Variants in TBC1D12 observed in about 807,000 individuals in gnomAD.
TBC1D12 encodes the protein TBC1 domain family, member 12.
TBC1D12 carries 56 observed loss-of-function variants against 86.7 expected under a neutral mutation model. The observed-to-expected ratio is 0.65, with a 90% CI of 0.52 to 0.81. The LOEUF (loss-of-function observed/expected upper bound fraction) is 0.81. Ranked by LOEUF, TBC1D12 falls within the 30% of genes least tolerant of loss-of-function variation. The pLI is 0.00. For synonymous variants in TBC1D12, 421 were observed against 411.7 expected, an observed-to-expected ratio of 1.02 and a Z score of -0.27; for missense variants, 1,023 against 1,038.8, an observed-to-expected ratio of 0.98 and a Z score of 0.21.
At chr10:94,459,519 A>G (rs1421693792) in intron 2 of TBC1D12, among the ~76,000 whole-genome samples, 2 of 152,108 alleles carry the variant, frequency 1.3e-5, no homozygotes, top group Non-Finnish European at 2.9e-5. Flanking sequence ...TGGATGGTAG[A>G]TGGGACCTTG....
intron 1 of TBC1D12, among the ~76,000 whole-genome samples, chr10:94,420,794 G>A (rs2055063621): frequency 6.6e-6 from 1 of 152,038 alleles, no homozygotes; most frequent in African/African-American, 2.4e-5. Context: ...TCCGTCTTTT[G>A]GTTGTTATGG....
intron 3 of TBC1D12, among the ~76,000 whole-genome samples, chr10:94,480,652 G>A (rs1422303808): frequency 6.6e-6 from 1 of 151,460 alleles, no homozygotes; most frequent in African/African-American, 2.4e-5. Context: ...TGCAGTTCAA[G>A]ACCAGCCTGG....
chr10:94,413,112 T>C (rs2054948271), intron 1 of TBC1D12, among the ~76,000 whole-genome samples: 1 of 152,240 alleles, frequency 6.6e-6, no homozygotes. Flanking sequence ...CACATTGCTT[T>C]ACTGATTTAA....
At position 94,534,575 on chromosome 10, in the gene TBC1D12, C is replaced by G. The variant is rs1177108402; in HGVS notation, c.*1479C>G. On this transcript the variant is annotated 3_prime_UTR_variant, in exon 13 of 13. Coordinates refer to ENST00000225235, the MANE Select transcript of TBC1D12 (RefSeq NM_015188.2). ...GAAATGCATGATTTCCCTGCCAACT[C>G]TAGGAAGTAGTGCTGCATGATTGAA... 6.6e-6 allele frequency: 1 copy of G among 152,150 alleles called. No individual in the cohort carries two copies. Among genetic ancestry groups the G allele is most frequent in the African/African-American group, 2.4e-5 (1 of 41,426 alleles). The allele number at this position is 152,150 out of a possible 1,614,324, so 9.4% of individuals were successfully genotyped here.
chr10:94,513,640 C>T (rs187128109), intron 9 of TBC1D12, among the ~76,000 whole-genome samples: 318 of 152,174 alleles, frequency 2.1e-3, no homozygotes, highest in Admixed American at 4.1e-3. Context: ...ACTATAGCCT[C>T]GACTTCCTGG....
In TBC1D12 at chr10:94,497,067, C is replaced by T; in HGVS notation, c.1307C>T (p.Ala436Val). Residue 436 changes from alanine (A) to valine (V), a missense_variant, in exon 5 of 13, where the codon GCA becomes GTA. Ala to Val is a moderately conservative substitution (Grantham distance 64). Around this residue, in one of 2 missense-constraint regions of TBC1D12, gnomAD observed 395 missense variants for 507.7 expected, o/e 0.78. Transcript: ENST00000225235. ...AEAKKREIKE[A>V]HKRKRIMKER... ...TCGTTTAAAACAGAAATTAAGGAAG[C>T]ACATAAAAGAAAAAGAATCATGAAA... 1.3e-6 allele frequency: 2 copies of T among 1,557,574 alleles called. No individual in the cohort carries two copies. Among genetic ancestry groups the T allele is most frequent in the Admixed American group, 4.2e-5 (2 of 47,864 alleles).
Position 94,402,604 on chromosome 10 carries a change from C to G in TBC1D12, c.-10C>G, listed in dbSNP as rs760960657. The G allele has an allele frequency of 6.2e-7, 1 of 1,610,636 alleles. No homozygotes were observed. Among genetic ancestry groups the G allele is most frequent in the Non-Finnish European group, 8.5e-7 (1 of 1,178,904 alleles). ...CTTTGCCTCCTGGGGCGGCCGCCACCCACCCCCAGATGGTGGGTCCGGAGG... is the reference window on the plus strand; with the variant it reads ...CTTTGCCTCCTGGGGCGGCCGCCACGCACCCCCAGATGGTGGGTCCGGAGG... On this transcript the variant is annotated 5_prime_UTR_variant, in exon 1 of 13. Transcript: ENST00000225235.
chr10:94,427,974 G>C (rs1290406945), intron 1 of TBC1D12, among the ~76,000 whole-genome samples: 1 of 152,018 alleles, frequency 6.6e-6, no homozygotes, highest in African/African-American at 2.4e-5. Context: ...TATTCTGGAA[G>C]GATAAGAAAA....
chr10:94,481,449 A>T (rs2056077613), intron 3 of TBC1D12, among the ~76,000 whole-genome samples: 1 of 151,476 alleles, frequency 6.6e-6, no homozygotes, highest in Non-Finnish European at 1.5e-5. Context: ...TTGCTGCTTC[A>T]TCTTTTACTT....
At chr10:94,424,438 C>A (rs770078778) in intron 1 of TBC1D12, among the ~76,000 whole-genome samples, 1 of 152,150 alleles carries the variant, frequency 6.6e-6, no homozygotes, top group Non-Finnish European at 1.5e-5. Context: ...TTCTTCCTCT[C>A]TCCTGTGTTT....
intron 1 of TBC1D12, among the ~76,000 whole-genome samples, chr10:94,421,862 T>C (rs1333485692): frequency 2.0e-5 from 3 of 152,234 alleles, no homozygotes; most frequent in African/African-American, 4.8e-5. Context: ...CTTTGCCTAA[T>C]ATTAATTGGG....
chr10:94,409,832 A>G (rs2054907053), intron 1 of TBC1D12, among the ~76,000 whole-genome samples: 1 of 152,168 alleles, frequency 6.6e-6, no homozygotes, highest in African/African-American at 2.4e-5. Flanking sequence ...ATAGTTTTAG[A>G]TTTGTAGAAA....
chr10:94,533,906 T>C lies in TBC1D12; in HGVS notation c.*810T>C, dbSNP rs1842490595. On this transcript the variant is annotated 3_prime_UTR_variant, in exon 13 of 13. Transcript: ENST00000225235. Reference sequence around the variant, plus strand: ...GACTTTGAGAGTAAGTCCAAAAACATATATGATGTTTCTCAGTGATAAGAG... The same window carrying C: ...GACTTTGAGAGTAAGTCCAAAAACACATATGATGTTTCTCAGTGATAAGAG... 1.3e-5 allele frequency: 2 copies of C among 152,142 alleles called. No homozygotes were observed. The highest frequency in any genetic ancestry group is 4.1e-4 in the South Asian group (2 of 4,830). 9.4% of individuals were successfully genotyped at this position (152,142 alleles called of 1,614,324 possible).
intron 2 of TBC1D12, among the ~76,000 whole-genome samples, chr10:94,469,056 A>T (rs2055863961): frequency 6.6e-6 from 1 of 152,224 alleles, no homozygotes; most frequent in Admixed American, 6.5e-5. Context: ...ATTACGTTAG[A>T]TGTGAACTAA....
At chr10:94,440,449 A>G (rs1447775676) in intron 1 of TBC1D12, among the ~76,000 whole-genome samples, 1 of 152,142 alleles carries the variant, frequency 6.6e-6, no homozygotes, top group Non-Finnish European at 1.5e-5. Flanking sequence ...TGTTGGGATT[A>G]CAGGCATGAG....
Position 94,402,892 on chromosome 10 carries a change from C to A in TBC1D12, c.279C>A (p.Gly93=). The change falls in exon 1 of 13, where the codon GGC becomes GGA. Residue 93 remains glycine (G), a synonymous_variant. Coordinates refer to ENST00000225235, the MANE Select transcript of TBC1D12 (RefSeq NM_015188.2). ...PGLCYCPLPA[G]QAGAPPPSAA... is the part of the protein sequence containing the mutation. ...TCTGCTACTGTCCGCTCCCCGCTGG[C>A]CAGGCCGGCGCCCCGCCGCCCTCGG... 6.7e-7 allele frequency: 1 copy of A among 1,490,438 alleles called. No individual in the cohort carries two copies. Among genetic ancestry groups the A allele is most frequent in the Non-Finnish European group, 8.9e-7 (1 of 1,126,996 alleles). The allele number at this position is 1,490,438 out of a possible 1,614,324, so 92.3% of individuals were successfully genotyped here.
intron 9 of TBC1D12, among the ~76,000 whole-genome samples, chr10:94,519,397 A>G (rs1255635622): frequency 6.6e-6 from 1 of 152,088 alleles, no homozygotes; most frequent in East Asian, 1.9e-4. Flanking sequence ...GTGGCTTTAA[A>G]CACCACAAAT....
Position 94,403,330 on chromosome 10 carries a change from C to T in TBC1D12, c.717C>T (p.Gly239=). The T allele has an allele frequency of 2.0e-6, 3 of 1,519,846 alleles. No individual in the cohort carries two copies. The highest frequency in any genetic ancestry group is 2.6e-6 in the Non-Finnish European group (3 of 1,134,656). 94.1% of individuals were successfully genotyped at this position (1,519,846 alleles called of 1,614,324 possible). ...AGGACTCAGAGCAGCGGGGAGTCGG[C>T]GCCGGGGGTCCCGAGGAGGGCGCGC... ...SSEDSEQRGV[G]AGGPEEGAPP... Residue 239 remains glycine (G), a synonymous_variant, in exon 1 of 13, where the codon GGC becomes GGT. Coordinates refer to ENST00000225235, the MANE Select transcript of TBC1D12 (RefSeq NM_015188.2).
chr10:94,528,222 T>A (rs1842345244), intron 11 of TBC1D12, among the ~76,000 whole-genome samples: 1 of 152,158 alleles, frequency 6.6e-6, no homozygotes, highest in African/African-American at 2.4e-5. Context: ...TGGGATGTCT[T>A]TCCATTTGTT....
Sources: allele counts gnomAD v4.1 joint callset (sites outside exome capture counted in the v4.1 genomes callset), GRCh38; gene constraint gnomAD v4.1.1; regional missense constraint gnomAD v4.1.1; transcripts MANE v1.5; gene names NCBI Gene and HGNC (gene_info 2026-07-23, HGNC 2026-07-21).